The following SORCS1 variants were observed in gnomAD, a reference collection of about 807,000 sequenced individuals.
SORCS1 encodes the protein sortilin related VPS10 domain containing receptor 1, also known as VPS10 domain-containing receptor SorCS1.
In SORCS1, 60 loss-of-function variants were observed where a neutral mutation model predicts 146.1. That is an observed-to-expected ratio of 0.41 (90% CI 0.33 to 0.51). The LOEUF is 0.51. SORCS1 is among the 20% of genes least tolerant of loss of function. The pLI, the probability that SORCS1 is intolerant of heterozygous loss-of-function variation, is 0.21. For synonymous variants in SORCS1, 637 were observed against 584.0 expected (o/e 1.09, Z -1.31); for missense variants, 1,352 against 1,487.6 (o/e 0.91, Z 1.50).
intron 23 of SORCS1, among the ~76,000 whole-genome samples, chr10:106,598,639 A>G (rs1846054180): frequency 1.3e-5 from 2 of 152,144 alleles, no homozygotes; most frequent in Admixed American, 1.3e-4. Flanking sequence ...TTAACATGTT[A>G]TTTAAGTCTA....
intron 1 of SORCS1, among the ~76,000 whole-genome samples, chr10:106,989,938 G>C (rs1017881641): frequency 6.6e-6 from 1 of 151,592 alleles, no homozygotes; most frequent in African/African-American, 2.4e-5. Flanking sequence ...CACCTGCCTC[G>C]GCCTCCCACA....
chr10:107,171,913 T>A, the SORCS1 span, among the ~76,000 whole-genome samples: 3 of 152,144 alleles, frequency 2.0e-5, no homozygotes, highest in Non-Finnish European at 4.4e-5. Context: ...GATCCATGAT[T>A]GTTGAAAAAC....
intron 1 of SORCS1, among the ~76,000 whole-genome samples, chr10:107,063,032 G>C (rs1961382330): frequency 6.6e-6 from 1 of 152,170 alleles, no homozygotes; most frequent in Non-Finnish European, 1.5e-5. Context: ...ACTAGGCTCT[G>C]TGAGAGGTTC....
intron 3 of SORCS1, among the ~76,000 whole-genome samples, chr10:106,810,302 T>C (rs1323030198): frequency 1.3e-5 from 2 of 152,150 alleles, no homozygotes; most frequent in Admixed American, 6.5e-5. Context: ...CAGTCCAAAT[T>C]TAAAGCAATA....
chr10:107,135,182 T>C (rs1210554835), intron 1 of SORCS1, among the ~76,000 whole-genome samples: 4 of 152,256 alleles, frequency 2.6e-5, no homozygotes, highest in African/African-American at 9.6e-5. Context: ...TTAGTTTCTT[T>C]TAATGATTTT....
chr10:107,148,585 T>C (rs927413929), intron 1 of SORCS1, among the ~76,000 whole-genome samples: 11 of 152,218 alleles, frequency 7.2e-5, no homozygotes, highest in Non-Finnish European at 1.0e-4. Context: ...AAATCCTACC[T>C]GCAACAAAAG....
At chr10:106,824,384 G>A (rs1948196113) in intron 3 of SORCS1, among the ~76,000 whole-genome samples, 1 of 151,780 alleles carries the variant, frequency 6.6e-6, no homozygotes, top group South Asian at 2.1e-4. Flanking sequence ...GAGGTCAGGA[G>A]TTCAAGACCA....
At chr10:106,758,253 G>C (rs961717282) in intron 5 of SORCS1, among the ~76,000 whole-genome samples, 2 of 152,184 alleles carry the variant, frequency 1.3e-5, no homozygotes, top group Non-Finnish European at 2.9e-5. Context: ...GGTCTGTTCA[G>C]GTTATAATAA....
At chr10:106,964,477 ATTTTAT>A (rs1265943563) in intron 1 of SORCS1, among the ~76,000 whole-genome samples, 15 of 15,680 alleles carry the variant, frequency 9.6e-4, no homozygotes, top group African/African-American at 2.6e-3. Context: ...CTAATATTTT[ATTTTAT>A]TTTATTTTAT....
At chr10:107,170,992 T>C in the SORCS1 span, among the ~76,000 whole-genome samples, 2 of 152,196 alleles carry the variant, frequency 1.3e-5, no homozygotes, top group Non-Finnish European at 2.9e-5. Context: ...TTGGAATCCC[T>C]ATTCCTTAAT....
intron 1 of SORCS1, among the ~76,000 whole-genome samples, chr10:107,055,497 C>A (rs1960535663): frequency 6.6e-6 from 1 of 152,186 alleles, no homozygotes; most frequent in African/African-American, 2.4e-5. Flanking sequence ...AAAAGCAAAG[C>A]CAGTCTTGTA....
intron 21 of SORCS1, among the ~76,000 whole-genome samples, chr10:106,613,278 T>A (rs569529086): frequency 1.3e-5 from 2 of 152,150 alleles, no homozygotes; most frequent in Non-Finnish European, 2.9e-5. Context: ...AGGGGAATTC[T>A]CTGTGCGAGA....
intron 1 of SORCS1, among the ~76,000 whole-genome samples, chr10:107,122,459 C>A (rs1966462264): frequency 6.6e-6 from 1 of 152,172 alleles, no homozygotes; most frequent in Non-Finnish European, 1.5e-5. Context: ...AGAAGCTACT[C>A]AACCTAATTA....
At chr10:107,167,552 C>G (rs1417071863), upstream of SORCS1, among the ~76,000 whole-genome samples, 1 of 152,142 alleles carries the variant, frequency 6.6e-6, no homozygotes, top group East Asian at 1.9e-4. Context: ...ACTGCTCACT[C>G]TACTCCATAA....
chr10:106,646,900 T>C (rs1037765665), intron 18 of SORCS1, among the ~76,000 whole-genome samples: 5 of 151,006 alleles, frequency 3.3e-5, no homozygotes, highest in Non-Finnish European at 5.9e-5. Context: ...TGGGTGTGTG[T>C]CTATATATAT....
chr10:106,957,428 T>C (rs1468678446), intron 1 of SORCS1, among the ~76,000 whole-genome samples: 1 of 152,044 alleles, frequency 6.6e-6, no homozygotes, highest in African/African-American at 2.4e-5. Context: ...TGCCTCAGCC[T>C]CTCAAAGTGC....
chr10:106,884,636 G>A (rs117540933), intron 2 of SORCS1, among the ~76,000 whole-genome samples: 1 of 152,166 alleles, frequency 6.6e-6, no homozygotes, highest in East Asian at 1.9e-4. Flanking sequence ...GCCCATACCA[G>A]ACAAATTAAA....
At chr10:106,747,938 G>T (rs1036889692) in intron 5 of SORCS1, among the ~76,000 whole-genome samples, 6 of 152,062 alleles carry the variant, frequency 3.9e-5, no homozygotes, top group Non-Finnish European at 8.8e-5. Context: ...TAAATAAAAT[G>T]AATAAATAAT....
chr10:106,921,922 C>T (rs1191174853), intron 2 of SORCS1, among the ~76,000 whole-genome samples: 1 of 152,170 alleles, frequency 6.6e-6, no homozygotes, highest in Non-Finnish European at 1.5e-5. Context: ...CACCTTATTC[C>T]CATAAGGGAA....
Sources: gnomAD v4.1 joint callset for allele counts (sites outside exome capture counted in the v4.1 genomes callset) on GRCh38, gnomAD v4.1.1 for gene constraint, MANE v1.5 for transcripts, NCBI Gene and HGNC (gene_info 2026-07-23, HGNC 2026-07-21) for gene names.